Variants in KMT2C observed in about 807,000 individuals in gnomAD.
KMT2C encodes the protein lysine methyltransferase 2C.
A neutral mutation model predicts 507.9 loss-of-function variants in KMT2C; 88 were observed. The observed-to-expected ratio is 0.17, with a 90% CI of 0.15 to 0.21. The LOEUF (loss-of-function observed/expected upper bound fraction) is 0.21. Among genes scored for constraint, KMT2C ranks in the 10% least tolerant of loss-of-function variants. The pLI is 1.00. For synonymous variants in KMT2C, 2,049 were observed against 2,080.8 expected (o/e 0.98, Z 0.42); for missense variants, 4,954 against 5,957.8 (o/e 0.83, Z 5.55).
intron 44 of KMT2C, among the ~76,000 whole-genome samples, chr7:152,157,443 T>A (rs1325306768): frequency 3.9e-5 from 6 of 152,218 alleles, no homozygotes; most frequent in African/African-American, 1.2e-4. Context: ...CTACTTTTTT[T>A]AAATCCCCAC....
chr7:152,163,489 C>G lies in KMT2C; in HGVS notation c.10088G>C (p.Cys3363Ser), dbSNP rs746127093. Residue 3363 changes from cysteine (C) to serine (S), a missense_variant, in exon 43 of 59, where the codon TGT (cysteine) becomes TCT (serine). By Grantham distance (112) the Cys-to-Ser change is moderately radical (BLOSUM62 -1). Around this residue, in one of 29 missense-constraint regions of KMT2C, gnomAD observed 801 missense variants for 751.2 expected, o/e 1.07. Coordinates refer to ENST00000262189, the MANE Select transcript of KMT2C (RefSeq NM_170606.3). ...PPIAQLPIKTCTPAPGTVSNA... is the reference protein window; with the variant it reads ...PPIAQLPIKTSTPAPGTVSNA... ...TGAGACTGTCCCTGGGGCTGGTGTA[C>G]AAGTTTTTATTGGTAACTGGGCAAT... The G allele has an allele frequency of 5.0e-6, 8 of 1,613,808 alleles. No individual in the cohort carries two copies. The African/African-American group carries it at 1.1e-4, about 22-fold the overall frequency.
chr7:152,361,884 T>C (rs2097200575), intron 1 of KMT2C, among the ~76,000 whole-genome samples: 1 of 152,188 alleles, frequency 6.6e-6, no homozygotes, highest in African/African-American at 2.4e-5. Context: ...AACATCCCAC[T>C]GTCGGAAACT....
chr7:152,417,642 T>G (rs115315851), intron 1 of KMT2C, among the ~76,000 whole-genome samples: 19 of 152,004 alleles, frequency 1.2e-4, no homozygotes, highest in African/African-American at 4.8e-5. Context: ...AAAATGCTTT[T>G]TTGTTGTTGT....
Position 152,146,589 on chromosome 7 carries a change from A to C in KMT2C, c.14031+10T>G, listed in dbSNP as rs771399229. Reference sequence around the variant, plus strand: ...CAATTCCAATCTCAAAGCCTGACCAAGACACTCACTGATTCCGCTATGCGT... The same window carrying C: ...CAATTCCAATCTCAAAGCCTGACCACGACACTCACTGATTCCGCTATGCGT... On this transcript the variant is annotated intron_variant, in intron 53 of 58. Coordinates refer to ENST00000262189, the MANE Select transcript of KMT2C (RefSeq NM_170606.3). 1.1e-5 allele frequency: 18 copies of C among 1,613,910 alleles called. No individual in the cohort carries two copies. Among genetic ancestry groups the C allele is most frequent in the Non-Finnish European group, 1.3e-5 (15 of 1,179,886 alleles).
At chr7:152,292,766 G>A (rs2096448941) in intron 6 of KMT2C, among the ~76,000 whole-genome samples, 2 of 151,992 alleles carry the variant, frequency 1.3e-5, no homozygotes, top group Non-Finnish European at 2.9e-5. Context: ...TGTCTTCCCA[G>A]CTCTGCAGAC....
intron 14 of KMT2C, among the ~76,000 whole-genome samples, chr7:152,247,311 G>C (rs1454985170): frequency 6.6e-6 from 1 of 152,060 alleles, no homozygotes; most frequent in Non-Finnish European, 1.5e-5. Flanking sequence ...GACAAAGGAA[G>C]ATTTATCTTT....
intron 7 of KMT2C, among the ~76,000 whole-genome samples, chr7:152,271,693 A>C (rs1004995976): frequency 6.6e-6 from 1 of 151,308 alleles, no homozygotes; most frequent in African/African-American, 2.4e-5. Context: ...AAAAAAAAAA[A>C]AACCCCAAAG....
intron 6 of KMT2C, among the ~76,000 whole-genome samples, chr7:152,297,902 A>G (rs368137136): frequency 4.6e-5 from 7 of 152,256 alleles, no homozygotes; most frequent in African/African-American, 1.7e-4. Context: ...AGGACATTCA[A>G]CTGTTTTTAT....
intron 1 of KMT2C, among the ~76,000 whole-genome samples, chr7:152,387,629 C>T (rs1385273209): frequency 6.6e-6 from 1 of 151,198 alleles, no homozygotes; most frequent in Non-Finnish European, 1.5e-5. Context: ...CACCACCATA[C>T]CCGGCTAATT....
rs2089785761 is a variant in KMT2C at position 152,135,282 on chromosome 7, A to G, written c.*1550T>C. 2 of 220,260 alleles carry G rather than the reference A, an allele frequency of 9.1e-6. No homozygotes were observed. The highest frequency in any genetic ancestry group is 1.8e-5 in the Non-Finnish European group (2 of 109,754). 13.6% of individuals were successfully genotyped at this position (220,260 alleles called of 1,614,324 possible). ...ACAGTCCACTTGAATTGTGCACACAAAACTTCATTTTATACTTAGCCTGTG... is the reference window on the plus strand; with the variant it reads ...ACAGTCCACTTGAATTGTGCACACAGAACTTCATTTTATACTTAGCCTGTG... On this transcript the variant is annotated 3_prime_UTR_variant, in exon 59 of 59. Transcript: ENST00000262189.
intron 1 of KMT2C, among the ~76,000 whole-genome samples, chr7:152,392,690 A>G (rs2097508486): frequency 1.3e-5 from 2 of 152,238 alleles, no homozygotes; most frequent in African/African-American, 4.8e-5. Context: ...GGAGCTGTAC[A>G]ATGAAGTGGT....
intron 23 of KMT2C, chr7:152,220,009 GAA>G (rs879271935): frequency 2.1e-4 from 27 of 129,120 alleles, no homozygotes; most frequent in South Asian, 4.7e-4. Context: ...TCTCCCAACT[GAA>G]AAAAAAAAAA....
intron 1 of KMT2C, among the ~76,000 whole-genome samples, chr7:152,375,198 AC>A (rs2097319182): frequency 6.6e-6 from 1 of 152,102 alleles, no homozygotes; most frequent in African/African-American, 2.4e-5. Context: ...ACGTGCCACC[AC>A]ACCCAGCTGA....
At chr7:152,217,839 G>A (rs2094624388) in intron 23 of KMT2C, among the ~76,000 whole-genome samples, 1 of 152,276 alleles carries the variant, frequency 6.6e-6, no homozygotes, top group South Asian at 2.1e-4. Context: ...CATAATTTGG[G>A]AAACAATGTG....
intron 38 of KMT2C, 116 bp downstream of exon 38, chr7:152,176,075 T>G (rs1339730473): frequency 6.4e-6 from 7 of 1,087,756 alleles, no homozygotes; most frequent in Non-Finnish European, 9.2e-6. Context: ...CAAGGAGGAA[T>G]AGAAAAACTC....
At chr7:152,263,428 T>C (rs2095812910) in intron 8 of KMT2C, among the ~76,000 whole-genome samples, 1 of 152,190 alleles carries the variant, frequency 6.6e-6, no homozygotes, top group Non-Finnish European at 1.5e-5. Flanking sequence ...AATAGAATTT[T>C]TGAGAGGAAG....
chr7:152,283,157 C>T (rs929815370), intron 6 of KMT2C, among the ~76,000 whole-genome samples: 1 of 152,262 alleles, frequency 6.6e-6, no homozygotes, highest in Admixed American at 6.5e-5. Flanking sequence ...CCACATAAAA[C>T]ATCCACCCCC....
intron 1 of KMT2C, among the ~76,000 whole-genome samples, chr7:152,433,391 G>A (rs2097883371): frequency 6.6e-6 from 1 of 150,712 alleles, no homozygotes; most frequent in South Asian, 2.1e-4. Flanking sequence ...TTTCTGCATG[G>A]ATTCTTATAC....
chr7:152,369,040 G>C (rs563246392), intron 1 of KMT2C, among the ~76,000 whole-genome samples: 1 of 151,902 alleles, frequency 6.6e-6, no homozygotes, highest in African/African-American at 2.4e-5. Context: ...AAATAGTTAA[G>C]GGCCAGGAGC....
Sources: allele counts gnomAD v4.1 joint callset (sites outside exome capture counted in the v4.1 genomes callset), GRCh38; gene constraint gnomAD v4.1.1; regional missense constraint gnomAD v4.1.1; transcripts MANE v1.5; gene names NCBI Gene and HGNC (gene_info 2026-07-23, HGNC 2026-07-21).